The following NMT1 variants were observed in gnomAD, a reference collection of about 807,000 sequenced individuals.
NMT1 encodes N-myristoyltransferase 1.
A neutral mutation model predicts 63.4 loss-of-function variants in NMT1; 12 were observed. That is an observed-to-expected ratio of 0.19 (90% CI 0.12 to 0.31). NMT1 has a LOEUF of 0.31. Ranked by LOEUF, NMT1 falls within the 10% of genes least tolerant of loss-of-function variation. NMT1 has a pLI of 1.00. For missense variants in NMT1, 432 were observed against 634.6 expected (o/e 0.68, Z 3.43); for synonymous variants, 228 against 234.3 (o/e 0.97, Z 0.25).
chr17:45,067,152 A>G (rs2053908319), intron 1 of NMT1, among the ~76,000 whole-genome samples: 1 of 151,412 alleles, frequency 6.6e-6, no homozygotes, highest in Non-Finnish European at 1.5e-5. Flanking sequence ...TGATTCATCT[A>G]TATGGTTTAA....
rs78825407 is a variant in NMT1, at chr17:45,074,941, C to T, written c.132-6703C>T. On this transcript the variant is annotated intron_variant, in intron 1 of 11. Coordinates refer to ENST00000258960, the MANE Select transcript of NMT1 (RefSeq NM_021079.5). ...CTTTAAAAAGGATGCCAGCCAGGCA[C>T]GGTGGCTCATTCCCATAATCCCAGC... 2.2e-3 allele frequency among the ~76,000 whole-genome samples: 341 copies of T among 152,276 alleles called. 1 individual carries two copies. Among genetic ancestry groups the T allele is most frequent in the Middle Eastern group, 0.014 (4 of 294 alleles).
chr17:45,080,846 A>C (rs986587889), intron 1 of NMT1, among the ~76,000 whole-genome samples: 2 of 151,622 alleles, frequency 1.3e-5, no homozygotes, highest in Non-Finnish European at 2.9e-5. Flanking sequence ...AACTCACTGC[A>C]ACCTCCACCT....
intron 5 of NMT1, 33 bp downstream of exon 5, chr17:45,096,318 G>C: frequency 6.4e-7 from 1 of 1,558,492 alleles, no homozygotes; most frequent in Non-Finnish European, 8.9e-7. Flanking sequence ...AGGTTCTTGA[G>C]AGGAAGGCAT....
chr17:45,079,252 A>G (rs531930652), intron 1 of NMT1, among the ~76,000 whole-genome samples: 2 of 151,278 alleles, frequency 1.3e-5, no homozygotes, highest in African/African-American at 2.4e-5. Flanking sequence ...TTACAGGCGC[A>G]TGCCTCCACG....
At chr17:45,101,635 AAAAAG>A (rs1411319682) in intron 8 of NMT1, among the ~76,000 whole-genome samples, 1 of 151,418 alleles carries the variant, frequency 6.6e-6, no homozygotes, top group African/African-American at 2.4e-5. Context: ...AAAAAAAAAA[AAAAAG>A]GAAAGAAAGA....
At chr17:45,068,721 A>G (rs1372318021) in intron 1 of NMT1, among the ~76,000 whole-genome samples, 1 of 151,864 alleles carries the variant, frequency 6.6e-6, no homozygotes, top group Non-Finnish European at 1.5e-5. Flanking sequence ...ATCTTAGCTC[A>G]CTACAACCTC....
At chr17:45,066,394 A>G (rs1386496389) in intron 1 of NMT1, among the ~76,000 whole-genome samples, 1 of 152,074 alleles carries the variant, frequency 6.6e-6, no homozygotes, top group Non-Finnish European at 1.5e-5. Flanking sequence ...ATATGAATTT[A>G]GTTCTTGACT....
chr17:45,102,842 A>T (rs1194587904), intron 8 of NMT1, 109 bp from the exon 9 acceptor site: 2 of 1,004,948 alleles, frequency 2.0e-6, no homozygotes, highest in Non-Finnish European at 2.9e-6. Context: ...GGGTGCAGGG[A>T]GCCGCCGAAT....
At chr17:45,090,390 G>A (rs1312309254) in intron 3 of NMT1, among the ~76,000 whole-genome samples, 1 of 124,082 alleles carries the variant, frequency 8.1e-6, no homozygotes, top group Non-Finnish European at 1.8e-5. Context: ...TCCCCCACTC[G>A]AGATCATGTC....
chr17:45,098,446 G>T lies in NMT1; in HGVS notation c.778G>T (p.Ala260Ser). Residue 260 changes from alanine to serine, a missense_variant, in exon 7 of 12, where the codon GCT (alanine) becomes TCT (serine). By Grantham distance (99) the Ala-to-Ser change is moderately conservative. Coordinates refer to ENST00000258960, the MANE Select transcript of NMT1 (RefSeq NM_021079.5). ...VHKKLRSKRV[A>S]PVLIREITRR... ...CAAGAAGCTGCGTTCCAAGAGGGTT[G>T]CTCCAGTTCTGATCCGAGAGATCAC... The T allele has an allele frequency of 6.2e-7, 1 of 1,614,170 alleles. No individual in the cohort carries two copies. Among genetic ancestry groups the T allele is most frequent in the Non-Finnish European group, 8.5e-7 (1 of 1,180,014 alleles).
intron 1 of NMT1, among the ~76,000 whole-genome samples, chr17:45,070,709 G>T (rs545018887): frequency 2.0e-5 from 3 of 152,102 alleles, no homozygotes; most frequent in African/African-American, 7.2e-5. Flanking sequence ...GAGCCACCGC[G>T]CCTGGCCAAT....
Position 45,096,269 on chromosome 17 carries a change from C to T in NMT1, c.580C>T (p.Pro194Ser). The T allele has an allele frequency of 2.5e-6, 4 of 1,613,906 alleles. No individual in the cohort carries two copies. The highest frequency in any genetic ancestry group is 3.4e-6 in the Non-Finnish European group (4 of 1,179,780). Residue 194 changes from proline (P) to serine (S), a missense_variant, in exon 5 of 12, where the codon CCG becomes TCG. Physicochemically the swap from Pro to Ser is moderately conservative, Grantham distance 74 (BLOSUM62 -1). Transcript: ENST00000258960. ...CAACATGTTCCGATTTGATTATTCCCCGGAGTTTCTTTTGTGGTAAGTTGT... is the reference window on the plus strand; with the variant it reads ...CAACATGTTCCGATTTGATTATTCCTCGGAGTTTCTTTTGTGGTAAGTTGT... ...DDNMFRFDYS[P>S]EFLLWALRPP...
At chr17:45,079,333 AC>A (rs1173971781) in intron 1 of NMT1, among the ~76,000 whole-genome samples, 2 of 151,640 alleles carry the variant, frequency 1.3e-5, no homozygotes, top group African/African-American at 2.4e-5. Flanking sequence ...CGAACTCCTG[AC>A]CTCATGATCT....
intron 1 of NMT1, among the ~76,000 whole-genome samples, chr17:45,073,775 C>T (rs989218735): frequency 6.6e-6 from 1 of 152,170 alleles, no homozygotes; most frequent in African/African-American, 2.4e-5. Context: ...ATGGCTCCTC[C>T]CTAGATGCTA....
intron 8 of NMT1, among the ~76,000 whole-genome samples, chr17:45,101,705 C>G (rs1162402903): frequency 6.6e-6 from 1 of 151,490 alleles, no homozygotes; most frequent in Non-Finnish European, 1.5e-5. Context: ...TCAGTGCACA[C>G]AGTCACTGCG....
In NMT1 at chr17:45,105,783, G is replaced by A. The variant is rs563091154; in HGVS notation, c.*144G>A. 12 of 746,156 alleles carry A rather than the reference G, an allele frequency of 1.6e-5. No individual in the cohort carries two copies. The highest frequency in any genetic ancestry group is 8.6e-5 in the East Asian group (3 of 34,868). The allele number at this position is 746,156 out of a possible 1,614,324, so 46.2% of individuals were successfully genotyped here. A position where few individuals can be genotyped will look rare whatever the true frequency, so the allele number is the denominator to read the frequency against. On this transcript the variant is annotated 3_prime_UTR_variant, in exon 12 of 12. Coordinates refer to ENST00000258960, the MANE Select transcript of NMT1 (RefSeq NM_021079.5). The surrounding 1 kb of genome is among the most constrained non-coding windows in gnomAD (Gnocchi z 4.2). The stretch of plus-strand genomic sequence containing the variant: ...GAACCGGCTTTACCAAACCGCCAGC[G>A]AACTTGACAATTGTATTGCGATGGC...
At chr17:45,089,346 T>G (rs1172289293) in intron 3 of NMT1, among the ~76,000 whole-genome samples, 1 of 152,134 alleles carries the variant, frequency 6.6e-6, no homozygotes, top group Non-Finnish European at 1.5e-5. Context: ...CTCTCTGATT[T>G]ATTTATTTAT....
At chr17:45,084,604 A>T (rs994326353) in intron 2 of NMT1, among the ~76,000 whole-genome samples, 5 of 151,156 alleles carry the variant, frequency 3.3e-5, no homozygotes, top group African/African-American at 1.2e-4. Flanking sequence ...AAGTGCTAGG[A>T]TTACAGGCGT....
chr17:45,105,735 T>G lies in NMT1; in HGVS notation c.*96T>G, dbSNP rs981524641. 4 of 1,305,568 alleles carry G rather than the reference T, an allele frequency of 3.1e-6. No homozygotes were observed. In the East Asian group the frequency reaches 9.5e-5, roughly 31 times the overall value. The allele number at this position is 1,305,568 out of a possible 1,614,324, so 80.9% of individuals were successfully genotyped here. A position where few individuals can be genotyped will look rare whatever the true frequency, so the allele number is the denominator to read the frequency against. ...GGTCCAATTTTCACACACGTGAGAA[T>G]CCCTGGCAAAGGGAGCAGAACTGAA... On this transcript the variant is annotated 3_prime_UTR_variant, in exon 12 of 12. Coordinates refer to ENST00000258960, the MANE Select transcript of NMT1 (RefSeq NM_021079.5). This position sits in a 1 kb window ranked among gnomAD's most constrained non-coding sequence, Gnocchi z 4.2.
Sources: gnomAD v4.1 joint callset for allele counts (sites outside exome capture counted in the v4.1 genomes callset) on GRCh38, gnomAD v4.1.1 for gene constraint, Gnocchi (gnomAD v3.1) non-coding constraint, MANE v1.5 for transcripts, NCBI Gene and HGNC (gene_info 2026-07-23, HGNC 2026-07-21) for gene names.